CPLX2: variants seen among roughly 807,000 people sequenced by gnomAD.
CPLX2 encodes complexin-2.
CPLX2 carries 5 observed loss-of-function variants against 16.3 expected under a neutral mutation model. That is an observed-to-expected ratio of 0.31 (90% CI 0.16 to 0.64). The LOEUF is 0.64. Among genes scored for constraint, CPLX2 ranks in the 30% least tolerant of loss-of-function variants. CPLX2 has a pLI of 0.79. For synonymous variants in CPLX2, 89 were observed against 73.2 expected (o/e 1.22, Z -1.10); for missense variants, 144 against 181.4 (o/e 0.79, Z 1.18).
chr5:175,824,212 T>C (rs1306905674), intron 2 of CPLX2, among the ~76,000 whole-genome samples: 1 of 152,224 alleles, frequency 6.6e-6, no homozygotes, highest in Non-Finnish European at 1.5e-5. Context: ...ACATGCTGCA[T>C]TTAAGTCATG....
intron 1 of CPLX2, among the ~76,000 whole-genome samples, chr5:175,804,705 C>CCCCCGGTGATTGACACA (rs1468308818): frequency 2.3e-4 from 35 of 152,242 alleles, no homozygotes; most frequent in Non-Finnish European, 4.4e-4. Context: ...TTAACAAGAC[C>CCCCCGGTGATTGACACA]CCCCGGTGAT....
intron 1 of CPLX2, among the ~76,000 whole-genome samples, chr5:175,805,867 C>T (rs1335326761): frequency 6.6e-6 from 1 of 152,154 alleles, no homozygotes; most frequent in Admixed American, 6.5e-5. Flanking sequence ...CCACAGACGC[C>T]CATGTCACCG....
chr5:175,859,242 G>A (rs1368195593), intron 2 of CPLX2, among the ~76,000 whole-genome samples: 2 of 152,246 alleles, frequency 1.3e-5, no homozygotes, highest in African/African-American at 4.8e-5. Flanking sequence ...CCAGGGCAGA[G>A]AGGCCTTGAA....
At chr5:175,850,361 G>A (rs2113678041) in intron 2 of CPLX2, among the ~76,000 whole-genome samples, 1 of 152,300 alleles carries the variant, frequency 6.6e-6, no homozygotes, top group South Asian at 2.1e-4. Context: ...GAGGATGAGT[G>A]GGCGGGAGAC....
chr5:175,844,955 A>C (rs1240725892), intron 2 of CPLX2, among the ~76,000 whole-genome samples: 1 of 152,216 alleles, frequency 6.6e-6, no homozygotes, highest in African/African-American at 2.4e-5. Flanking sequence ...GGAAGACACC[A>C]GAATAGCTAC....
intron 1 of CPLX2, among the ~76,000 whole-genome samples, chr5:175,802,910 C>T (rs1758126566): frequency 6.6e-6 from 1 of 151,964 alleles, no homozygotes; most frequent in Non-Finnish European, 1.5e-5. Context: ...TGGTTCACTG[C>T]AACATCCACC....
chr5:175,881,114 A>C lies in CPLX2; in HGVS notation c.*1069A>C, dbSNP rs954546167. On this transcript the variant is annotated 3_prime_UTR_variant, in exon 4 of 4. Coordinates refer to ENST00000393745, the MANE Select transcript of CPLX2 (RefSeq NM_001008220.2). ...TGGGACTGGCATTTGTCCCCCACTC[A>C]AATTATCAAAGCTTTCTGCTCAGTC... 3 of 153,070 alleles carry C rather than the reference A, an allele frequency of 2.0e-5. No homozygotes were observed. Among genetic ancestry groups the C allele is most frequent in the Non-Finnish European group, 4.4e-5 (3 of 68,142 alleles). The allele number at this position is 153,070 out of a possible 1,614,324, so 9.5% of individuals were successfully genotyped here.
rs1411826841 is a variant in CPLX2 at position 175,860,360 on chromosome 5, C to T, written c.-88-18292C>T. On this transcript the variant is annotated intron_variant, in intron 2 of 4. Transcript: ENST00000359546. ...TCTCTTGAGCCCAGGAGGTTTTAGG[C>T]GGCAGTGAGCCATGATTGTGCCATT... Among the ~76,000 whole-genome samples, 8 of 150,104 alleles carry T rather than the reference C, an allele frequency of 5.3e-5. No individual in the cohort carries two copies. The East Asian group carries it at 5.9e-4, about 11-fold the overall frequency.
chr5:175,866,157 A>C (rs1323950924), intron 2 of CPLX2, among the ~76,000 whole-genome samples: 1 of 152,224 alleles, frequency 6.6e-6, no homozygotes, highest in Non-Finnish European at 1.5e-5. Flanking sequence ...GAGAGCATGG[A>C]AAGCAAACTT....
intron 2 of CPLX2, among the ~76,000 whole-genome samples, chr5:175,860,510 GAAAGA>G: frequency 5.2e-5 from 1 of 19,048 alleles, no homozygotes; most frequent in Middle Eastern, 9.6e-3. Flanking sequence ...AAGAAAGAAA[GAAAGA>G]AAAAGAAAGA....
chr5:175,799,571 TATATAG>T (rs1477958453), intron 1 of CPLX2, among the ~76,000 whole-genome samples: 8 of 143,104 alleles, frequency 5.6e-5, no homozygotes, highest in African/African-American at 2.0e-4. Context: ...TATATATATA[TATATAG>T]TAATCACAGC....
chr5:175,801,302 T>C (rs56228726), intron 1 of CPLX2, among the ~76,000 whole-genome samples: 2,645 of 152,200 alleles, frequency 0.017, 66 homozygotes, highest in African/African-American at 0.06. Context: ...AGCATTCAGC[T>C]GAGGAGACCA....
At chr5:175,803,259 G>A (rs1758134286) in intron 1 of CPLX2, among the ~76,000 whole-genome samples, 1 of 152,216 alleles carries the variant, frequency 6.6e-6, no homozygotes, top group Admixed American at 6.5e-5. Context: ...AGCTGTATGA[G>A]CCAATAACTG....
rs1755614366 is a variant in CPLX2, at chr5:175,881,788, G to A, written c.*1743G>A. 1 of 152,662 alleles carries A rather than the reference G, an allele frequency of 6.6e-6. No homozygotes were observed. Among genetic ancestry groups the A allele is most frequent in the Non-Finnish European group, 1.5e-5 (1 of 68,046 alleles). The allele number at this position is 152,662 out of a possible 1,614,324, so 9.5% of individuals were successfully genotyped here. On this transcript the variant is annotated 3_prime_UTR_variant, in exon 4 of 4. Coordinates refer to ENST00000393745, the MANE Select transcript of CPLX2 (RefSeq NM_001008220.2). ...ATGGACCCAGGCAGCGCCCCAGGAA[G>A]CCATGCTGGGCCCCCGCCAGGGCCT...
At chr5:175,850,871 G>A (rs1190066023) in intron 2 of CPLX2, among the ~76,000 whole-genome samples, 2 of 152,082 alleles carry the variant, frequency 1.3e-5, no homozygotes, top group Non-Finnish European at 2.9e-5. Context: ...GAGGGAGCCA[G>A]GCTGAGGCAG....
intron 1 of CPLX2, among the ~76,000 whole-genome samples, chr5:175,799,997 C>T (rs1413089632): frequency 2.0e-5 from 3 of 152,130 alleles, no homozygotes; most frequent in East Asian, 3.9e-4. Context: ...TTTTCTTAAC[C>T]AGATGCATAT....
intron 2 of CPLX2, among the ~76,000 whole-genome samples, chr5:175,853,971 C>G (rs1490120826): frequency 6.6e-6 from 1 of 152,214 alleles, no homozygotes; most frequent in Non-Finnish European, 1.5e-5. Context: ...ATGGCAGGCA[C>G]TGGCTAGCAA....
At chr5:175,802,555 G>T (rs79166730) in intron 1 of CPLX2, among the ~76,000 whole-genome samples, 2,100 of 152,296 alleles carry the variant, frequency 0.014, 17 homozygotes, top group Non-Finnish European at 0.023. Flanking sequence ...GGCAAGCAGG[G>T]TCTTGCAGTT....
chr5:175,873,532 GA>G (rs1257331999), intron 1 of CPLX2, among the ~76,000 whole-genome samples: 1 of 152,116 alleles, frequency 6.6e-6, no homozygotes, highest in Non-Finnish European at 1.5e-5. Flanking sequence ...AACAGACAAA[GA>G]GAGCATGTAC....
Sources: allele counts gnomAD v4.1 joint callset (sites outside exome capture counted in the v4.1 genomes callset), GRCh38; gene constraint gnomAD v4.1.1; transcripts MANE v1.5; gene names NCBI Gene and HGNC (gene_info 2026-07-23, HGNC 2026-07-21).